The following COBLL1 variants were observed in gnomAD, a reference collection of about 807,000 sequenced individuals.
COBLL1 encodes cordon-bleu protein-like 1.
Under a neutral mutation model 94.8 loss-of-function variants are expected in COBLL1, and 50 were observed. That is an observed-to-expected ratio of 0.53 (90% CI 0.42 to 0.67). COBLL1 has a LOEUF of 0.67. COBLL1 is among the 30% of genes least tolerant of loss of function. The pLI is 0.00. For synonymous variants in COBLL1, 448 were observed against 473.8 expected (o/e 0.95, Z 0.71); for missense variants, 1,362 against 1,348.7 (o/e 1.01, Z -0.15).
At chr2:164,674,116 A>G (rs944081421) in intron 1 of COBLL1, among the ~76,000 whole-genome samples, 1 of 152,040 alleles carries the variant, frequency 6.6e-6, no homozygotes, top group South Asian at 2.1e-4. Context: ...TCTGGAGTGC[A>G]GTGGCGTAAT....
chr2:164,678,720 C>T (rs2105391894), downstream of COBLL1, among the ~76,000 whole-genome samples: 1 of 152,030 alleles, frequency 6.6e-6, no homozygotes, highest in South Asian at 2.1e-4. Flanking sequence ...ATATATAAAG[C>T]ACTTCTGAAA....
At chr2:164,826,351 C>A (rs1392192971) in intron 2 of COBLL1, among the ~76,000 whole-genome samples, 1 of 152,232 alleles carries the variant, frequency 6.6e-6, no homozygotes, top group Non-Finnish European at 1.5e-5. Flanking sequence ...TTCTAACCAA[C>A]TTCATCCTCC....
intron 3 of COBLL1, among the ~76,000 whole-genome samples, chr2:164,741,166 C>T: frequency 6.6e-6 from 1 of 152,044 alleles, no homozygotes; most frequent in East Asian, 1.9e-4. Flanking sequence ...ATCCCAGCTA[C>T]TTGGGACACT....
At chr2:164,809,755 C>T (rs1684368970) in intron 2 of COBLL1, among the ~76,000 whole-genome samples, 1 of 151,778 alleles carries the variant, frequency 6.6e-6, no homozygotes, top group Non-Finnish European at 1.5e-5. Context: ...TTGAGTTGCC[C>T]TGATCATGAT....
rs753044421 is a variant in COBLL1 at position 164,727,944 on chromosome 2, TAAATA to T, written c.661+20_661+24del. On this transcript the variant is annotated intron_variant, in intron 5 of 13. Coordinates refer to ENST00000652658, the MANE Select transcript of COBLL1 (RefSeq NM_001365672.2). ...ATACAAATATACACATCCCACTAAA[TAAATA>T]AAATAAAAGTCTTACTTACCTCTGT... The T allele has an allele frequency of 4.8e-6, 7 of 1,448,836 alleles. No homozygotes were observed. Among genetic ancestry groups the T allele is most frequent in the Admixed American group, 1.7e-5 (1 of 58,342 alleles). The allele number at this position is 1,448,836 out of a possible 1,614,324, so 89.7% of individuals were successfully genotyped here.
At chr2:164,784,998 T>A (rs1688887737) in intron 2 of COBLL1, among the ~76,000 whole-genome samples, 1 of 152,060 alleles carries the variant, frequency 6.6e-6, no homozygotes. Context: ...ATTAATGCTA[T>A]TGTAAAAAAG....
chr2:164,810,477 T>G (rs16849803), intron 2 of COBLL1, among the ~76,000 whole-genome samples: 1 of 151,656 alleles, frequency 6.6e-6, no homozygotes, highest in Non-Finnish European at 1.5e-5. Flanking sequence ...TTGATTGTTA[T>G]AGCAATATAG....
At chr2:164,790,130 G>A (rs1683110921) in intron 2 of COBLL1, among the ~76,000 whole-genome samples, 1 of 152,182 alleles carries the variant, frequency 6.6e-6, no homozygotes, top group Admixed American at 6.5e-5. Flanking sequence ...CCATCTGTGT[G>A]GAGTTTGCAC....
intron 2 of COBLL1, among the ~76,000 whole-genome samples, chr2:164,767,609 C>T (rs1244914582): frequency 6.6e-6 from 1 of 152,172 alleles, no homozygotes; most frequent in East Asian, 1.9e-4. Context: ...TGATGTTCTC[C>T]TTTTCTACGT....
intron 7 of COBLL1, among the ~76,000 whole-genome samples, chr2:164,711,110 T>C (rs1172988044): frequency 1.3e-5 from 2 of 152,164 alleles, no homozygotes; most frequent in Non-Finnish European, 2.9e-5. Context: ...ATGCCATTTA[T>C]TGTCTCTGTG....
In COBLL1 at chr2:164,805,337, C is replaced by CTCTATA. The variant is rs758137553; in HGVS notation, c.41+35818_41+35819insTATAGA. Among the ~76,000 whole-genome samples, 55 of 17,050 alleles carry CTCTATA rather than the reference C, an allele frequency of 3.2e-3. 1 individual carries two copies. The highest frequency in any genetic ancestry group is 5.4e-3 in the East Asian group (5 of 924). 11.2% of individuals were successfully genotyped at this position (17,050 alleles called of 152,430 possible). A position where few individuals can be genotyped will look rare whatever the true frequency, so the allele number is the denominator to read the frequency against. ...TCTCTCTCTCTCTCTCTCTCTCTCTCTATATATATATATATATATATATAT... is the reference window on the plus strand; with the variant it reads ...TCTCTCTCTCTCTCTCTCTCTCTCTCTCTATATATATATATATATATATATATATAT... On this transcript the variant is annotated intron_variant, in intron 2 of 13. Transcript: ENST00000652658.
chr2:164,798,046 C>T (rs1166628133), intron 2 of COBLL1, among the ~76,000 whole-genome samples: 1 of 152,120 alleles, frequency 6.6e-6, no homozygotes, highest in Admixed American at 6.6e-5. Context: ...ATACCTAAAA[C>T]AAACCTGAAA....
chr2:164,829,104 A>G (rs1343520218), intron 2 of COBLL1, among the ~76,000 whole-genome samples: 2 of 152,176 alleles, frequency 1.3e-5, no homozygotes, highest in African/African-American at 4.8e-5. Flanking sequence ...CATAAATACC[A>G]CTGGAAAGAA....
chr2:164,778,971 A>G (rs752897844), intron 2 of COBLL1, among the ~76,000 whole-genome samples: 1 of 152,182 alleles, frequency 6.6e-6, no homozygotes. Flanking sequence ...ACCAACCGCA[A>G]CTAGGATAGA....
intron 13 of COBLL1, among the ~76,000 whole-genome samples, chr2:164,691,556 TCAC>T (rs1348540471): frequency 6.6e-6 from 1 of 152,112 alleles, no homozygotes; most frequent in Non-Finnish European, 1.5e-5. Flanking sequence ...GTTCAAAGCT[TCAC>T]CACATCTTCT....
chr2:164,661,011 T>A (rs1388092055), intron 2 of COBLL1, among the ~76,000 whole-genome samples: 1 of 152,190 alleles, frequency 6.6e-6, no homozygotes, highest in Non-Finnish European at 1.5e-5. Context: ...TAACATAAAA[T>A]CTTTCATGTG....
In COBLL1 at chr2:164,691,325, G is replaced by A. The variant is rs538345813; in HGVS notation, c.3300+896C>T. Among the ~76,000 whole-genome samples the A allele has an allele frequency of 2.0e-5, 3 of 152,262 alleles. No individual in the cohort carries two copies. The South Asian group carries it at 6.2e-4, about 32-fold the overall frequency. ...CCTTTGCAGGTTTAATTTCTGTTGA[G>A]CTCAATGTTTTGCTCAACAAGTCTC... On this transcript the variant is annotated intron_variant, in intron 13 of 13. Coordinates refer to ENST00000652658, the MANE Select transcript of COBLL1 (RefSeq NM_001365672.2).
intron 5 of COBLL1, chr2:164,727,073 T>G: frequency 8.2e-7 from 1 of 1,212,670 alleles, no homozygotes; most frequent in Non-Finnish European, 1.2e-6. Context: ...AATTTCATGT[T>G]ATAATTTGTT....
chr2:164,704,960 C>A lies in COBLL1; in HGVS notation c.1142G>T (p.Arg381Leu), dbSNP rs149882271. ...TGAAACAACCACATTACCAGTCACA[C>A]GACTATTTTCATCACTTTGATGCGG... ...IPPHQSDENS[R>L]VTALQPVDGV... The change falls in exon 8 of 14, where the codon CGT (arginine) becomes CTT (leucine). Residue 381 changes from arginine to leucine, a missense_variant. By Grantham distance (102) the Arg-to-Leu change is moderately radical (BLOSUM62 -2). Coordinates refer to ENST00000652658, the MANE Select transcript of COBLL1 (RefSeq NM_001365672.2). The A allele has an allele frequency of 5.7e-5, 90 of 1,579,938 alleles. No individual in the cohort carries two copies. Among genetic ancestry groups the A allele is most frequent in the Admixed American group, 1.3e-4 (7 of 53,334 alleles).
Sources: allele counts gnomAD v4.1 joint callset (sites outside exome capture counted in the v4.1 genomes callset), GRCh38; gene constraint gnomAD v4.1.1; transcripts MANE v1.5; gene names NCBI Gene and HGNC (gene_info 2026-07-23, HGNC 2026-07-21).